FRYL: variants seen among roughly 807,000 people sequenced by gnomAD.
FRYL encodes the protein protein furry homolog-like.
A neutral mutation model predicts 351.2 loss-of-function variants in FRYL; 150 were observed. The observed-to-expected ratio is 0.43, with a 90% CI of 0.37 to 0.49. FRYL has a LOEUF of 0.49. Ranked by LOEUF, FRYL falls within the 20% of genes least tolerant of loss-of-function variation. FRYL has a pLI of 0.00. For synonymous variants in FRYL, 1,153 were observed against 1,257.1 expected, an observed-to-expected ratio of 0.92 and a Z score of 1.75; for missense variants, 3,036 against 3,619.3, an observed-to-expected ratio of 0.84 and a Z score of 4.13.
chr4:48,578,977 T>A lies in FRYL; in HGVS notation c.2524A>T (p.Ile842Leu). The change falls in exon 23 of 64, where the codon ATA (isoleucine) becomes TTA (leucine). Residue 842 changes from isoleucine (I) to leucine (L), a missense_variant. By Grantham distance (5) the Ile-to-Leu change is conservative (BLOSUM62 2). Coordinates refer to ENST00000358350, the MANE Select transcript of FRYL (RefSeq NM_015030.2). The stretch of plus-strand genomic sequence containing the variant: ...TACACTAGGAAAATAACTTACTTTA[T>A]ATCGACCTGAGGGGACAACAACTGA... ...RLQLLSPQVDINSPINAKKVN... is the reference protein window; with the variant it reads ...RLQLLSPQVDLNSPINAKKVN... 6.3e-7 allele frequency: 1 copy of A among 1,593,452 alleles called. No individual in the cohort carries two copies.
intron 1 of FRYL, among the ~76,000 whole-genome samples, chr4:48,736,285 C>G (rs556717474): frequency 3.5e-4 from 53 of 152,016 alleles, no homozygotes; most frequent in Non-Finnish European, 6.9e-4. Context: ...AATCAGTAAT[C>G]TAAGCTTCTA....
intron 3 of FRYL, among the ~76,000 whole-genome samples, chr4:48,641,099 T>G (rs567103245): frequency 6.6e-6 from 1 of 152,300 alleles, no homozygotes; most frequent in East Asian, 1.9e-4. Context: ...TGAGGCCAGT[T>G]GAATTGGTGA....
intron 1 of FRYL, among the ~76,000 whole-genome samples, chr4:48,733,134 G>A (rs1484465911): frequency 6.6e-6 from 1 of 151,788 alleles, no homozygotes; most frequent in African/African-American, 2.4e-5. Flanking sequence ...AATTAGCTGG[G>A]CTTGGTGGTA....
At chr4:48,654,462 G>A (rs1005152355) in intron 3 of FRYL, among the ~76,000 whole-genome samples, 1 of 152,080 alleles carries the variant, frequency 6.6e-6, no homozygotes, top group Non-Finnish European at 1.5e-5. Context: ...ATGATGCAGA[G>A]TCCACTGTCT....
At chr4:48,654,922 T>G (rs1404373382) in intron 3 of FRYL, among the ~76,000 whole-genome samples, 1 of 152,182 alleles carries the variant, frequency 6.6e-6, no homozygotes, top group Non-Finnish European at 1.5e-5. Context: ...ACTTTGAAGG[T>G]CATGTGTTTA....
At chr4:48,637,969 T>G (rs1420802681) in intron 3 of FRYL, 3 of 152,068 alleles carry the variant, frequency 2.0e-5, no homozygotes, top group Non-Finnish European at 4.4e-5. Flanking sequence ...TTTTTCTGAC[T>G]CTATTATGTT....
At chr4:48,772,203 T>C (rs1310376326) in intron 1 of FRYL, among the ~76,000 whole-genome samples, 2 of 152,214 alleles carry the variant, frequency 1.3e-5, no homozygotes, top group African/African-American at 4.8e-5. Context: ...TGTAATTGTT[T>C]CCATTAACTA....
intron 1 of FRYL, among the ~76,000 whole-genome samples, chr4:48,749,282 A>C (rs1773003822): frequency 6.6e-6 from 1 of 152,238 alleles, no homozygotes; most frequent in African/African-American, 2.4e-5. Flanking sequence ...CTTAAGTGTT[A>C]GCAAAACTCT....
At chr4:48,689,796 C>T (rs1322472773) in intron 2 of FRYL, among the ~76,000 whole-genome samples, 2 of 152,116 alleles carry the variant, frequency 1.3e-5, no homozygotes, top group Non-Finnish European at 2.9e-5. Flanking sequence ...CCCTCCTAAT[C>T]CAACCATTAA....
intron 2 of FRYL, among the ~76,000 whole-genome samples, chr4:48,707,534 G>C (rs1462319863): frequency 6.6e-6 from 1 of 151,922 alleles, no homozygotes; most frequent in Admixed American, 6.6e-5. Context: ...GTTTACTTCT[G>C]CATATGTTTC....
Position 48,515,354 on chromosome 4 carries a change from T to A in FRYL, c.7690-79A>T, listed in dbSNP as rs1336099650. ...ACAACACAATAAATAAGTATTGCCA[T>A]CCATCTAAGTCTGTTTTATTAAGTG... On this transcript the variant is annotated intron_variant, in intron 55 of 63. Coordinates refer to ENST00000358350, the MANE Select transcript of FRYL (RefSeq NM_015030.2). 2.9e-6 allele frequency: 3 copies of A among 1,031,972 alleles called. No individual in the cohort carries two copies. In the African/African-American group the frequency reaches 4.9e-5, roughly 17 times the overall value. The allele number at this position is 1,031,972 out of a possible 1,614,324, so 63.9% of individuals were successfully genotyped here.
chr4:48,712,952 A>G (rs1054626265), intron 1 of FRYL, among the ~76,000 whole-genome samples: 6 of 152,222 alleles, frequency 3.9e-5, no homozygotes, highest in Admixed American at 6.5e-5. Context: ...AGAATTTTCA[A>G]CCCAGAATTT....
intron 3 of FRYL, among the ~76,000 whole-genome samples, chr4:48,638,943 C>A (rs924603346): frequency 6.6e-6 from 1 of 152,010 alleles, no homozygotes; most frequent in Non-Finnish European, 1.5e-5. Context: ...ACATCACACA[C>A]TGGGGCCTGT....
intron 1 of FRYL, among the ~76,000 whole-genome samples, chr4:48,714,058 G>C (rs1229243577): frequency 9.9e-5 from 15 of 151,916 alleles, no homozygotes; most frequent in Admixed American, 3.9e-4. Context: ...AAATAAAGAT[G>C]TTCTTTGAAA....
intron 23 of FRYL, among the ~76,000 whole-genome samples, chr4:48,577,140 G>T (rs1014801127): frequency 8.6e-5 from 13 of 152,022 alleles, no homozygotes; most frequent in Non-Finnish European, 1.3e-4. Flanking sequence ...TGAATATATG[G>T]TTAATTATTT....
rs748387557 is a variant in FRYL at position 48,548,713 on chromosome 4, A to T, written c.4865T>A (p.Leu1622His). ...ACCTATAAAAATTGCATGAAGAAGA[A>T]GATGGAGGTAGCTTCCCCATTCCAC... ...VKVEWGSYLHLLLHAIFIGFD... is the reference protein window; with the variant it reads ...VKVEWGSYLHHLLHAIFIGFD... Residue 1622 changes from leucine to histidine, a missense_variant, in exon 40 of 64, where the codon CTT (leucine) becomes CAT (histidine). Transcript: ENST00000358350. 15 of 1,599,984 alleles carry T rather than the reference A, an allele frequency of 9.4e-6. No individual in the cohort carries two copies. Among genetic ancestry groups the T allele is most frequent in the South Asian group, 4.4e-5 (4 of 90,454 alleles).
chr4:48,632,096 A>ATATATATATATG (rs1753220260), intron 4 of FRYL, among the ~76,000 whole-genome samples: 1 of 16,208 alleles, frequency 6.2e-5, no homozygotes, highest in East Asian at 2.5e-3. Context: ...AAAAAAATAT[A>ATATATATATATG]TATATATATA....
chr4:48,532,725 T>A (rs1345010574), intron 49 of FRYL, among the ~76,000 whole-genome samples: 1 of 152,134 alleles, frequency 6.6e-6, no homozygotes, highest in Non-Finnish European at 1.5e-5. Flanking sequence ...AATCATCATA[T>A]TTTTTCTGAC....
intron 1 of FRYL, among the ~76,000 whole-genome samples, chr4:48,742,737 A>G: frequency 6.6e-6 from 1 of 152,002 alleles, no homozygotes; most frequent in Non-Finnish European, 1.5e-5. Context: ...CATAATACCA[A>G]TTGTTTACAG....
Sources: gnomAD v4.1 joint callset for allele counts (sites outside exome capture counted in the v4.1 genomes callset) on GRCh38, gnomAD v4.1.1 for gene constraint, MANE v1.5 for transcripts, NCBI Gene and HGNC (gene_info 2026-07-23, HGNC 2026-07-21) for gene names.